Variants in NKAIN2 observed in about 807,000 individuals in gnomAD.
The protein encoded by NKAIN2 is sodium/potassium transporting ATPase interacting 2.
A neutral mutation model predicts 32.6 loss-of-function variants in NKAIN2; 14 were observed. The observed-to-expected ratio is 0.43, with a 90% confidence interval of 0.28 to 0.67. NKAIN2 has a LOEUF of 0.67. Ranked by LOEUF, NKAIN2 falls within the 30% of genes least tolerant of loss-of-function variation. NKAIN2 has a pLI of 0.17. For missense variants in NKAIN2, 198 were observed against 258.3 expected, an observed-to-expected ratio of 0.77 and a Z score of 1.60; for synonymous variants, 80 against 87.2, an observed-to-expected ratio of 0.92 and a Z score of 0.46.
intron 1 of NKAIN2, among the ~76,000 whole-genome samples, chr6:124,203,346 C>T (rs951222796): frequency 2.0e-5 from 3 of 151,742 alleles, no homozygotes; most frequent in African/African-American, 7.3e-5. Context: ...ACTGAGATAG[C>T]TGTATTAAAA....
intron 1 of NKAIN2, among the ~76,000 whole-genome samples, chr6:124,257,114 G>T (rs577992123): frequency 6.0e-5 from 9 of 151,246 alleles, no homozygotes; most frequent in African/African-American, 1.7e-4. Flanking sequence ...TAATCAGACT[G>T]GTCATACAAA....
At chr6:124,745,353 T>C (rs938225450) in intron 4 of NKAIN2, among the ~76,000 whole-genome samples, 1 of 151,918 alleles carries the variant, frequency 6.6e-6, no homozygotes, top group African/African-American at 2.4e-5. Flanking sequence ...ATTTTAATGT[T>C]CAGATTTTAC....
chr6:124,502,819 C>T (rs1288294643), intron 3 of NKAIN2, among the ~76,000 whole-genome samples: 1 of 152,114 alleles, frequency 6.6e-6, no homozygotes, highest in African/African-American at 2.4e-5. Flanking sequence ...TATGTGCTTT[C>T]ACAGCAATCT....
intron 3 of NKAIN2, among the ~76,000 whole-genome samples, chr6:124,467,165 G>C (rs1351232132): frequency 6.6e-6 from 1 of 152,002 alleles, no homozygotes; most frequent in African/African-American, 2.4e-5. Flanking sequence ...CATGATCCCA[G>C]ACCACTATGG....
chr6:124,344,736 A>G (rs981212955), intron 2 of NKAIN2, among the ~76,000 whole-genome samples: 3 of 152,270 alleles, frequency 2.0e-5, no homozygotes, highest in South Asian at 2.1e-4. Context: ...TTTTGGGCTG[A>G]GACAATGGGG....
chr6:124,031,912 G>A (rs1005743503), intron 1 of NKAIN2, among the ~76,000 whole-genome samples: 7 of 151,928 alleles, frequency 4.6e-5, no homozygotes, highest in Non-Finnish European at 1.0e-4. Flanking sequence ...TCCCATTACC[G>A]GGTATATACC....
At chr6:124,454,108 G>T (rs560711568) in intron 3 of NKAIN2, among the ~76,000 whole-genome samples, 685 of 31,806 alleles carry the variant, frequency 0.022, 19 homozygotes, top group African/African-American at 0.035. Flanking sequence ...TTTTTTTTTG[G>T]GGGGGGGGGT....
intron 4 of NKAIN2, among the ~76,000 whole-genome samples, chr6:124,740,781 A>G (rs1777171106): frequency 6.6e-6 from 1 of 151,838 alleles, no homozygotes; most frequent in Non-Finnish European, 1.5e-5. Context: ...ACAAATTTGG[A>G]GAAGAAACCA....
intron 3 of NKAIN2, among the ~76,000 whole-genome samples, chr6:124,388,390 GTTCT>G (rs77695596): frequency 0.067 from 10,169 of 151,940 alleles, 938 homozygotes; most frequent in African/African-American, 0.21. Flanking sequence ...TGTTTCTGGG[GTTCT>G]TTCTCAGAGT....
chr6:124,578,418 T>C (rs572836022), intron 3 of NKAIN2, among the ~76,000 whole-genome samples: 289 of 152,118 alleles, frequency 1.9e-3, no homozygotes, highest in African/African-American at 6.7e-3. Context: ...TGAGTGAACA[T>C]TGGCAGTAGC....
chr6:124,204,185 A>C (rs1790739111), intron 1 of NKAIN2, among the ~76,000 whole-genome samples: 1 of 151,896 alleles, frequency 6.6e-6, no homozygotes, highest in African/African-American at 2.4e-5. Flanking sequence ...CATACTACTA[A>C]TGTTTGTATC....
chr6:124,183,392 CT>C (rs1789547445), intron 1 of NKAIN2, among the ~76,000 whole-genome samples: 1 of 152,014 alleles, frequency 6.6e-6, no homozygotes, highest in South Asian at 2.1e-4. Flanking sequence ...GATGAACAAG[CT>C]TCAAAATCAT....
At chr6:124,348,145 C>A (rs1798528666) in intron 2 of NKAIN2, among the ~76,000 whole-genome samples, 1 of 152,152 alleles carries the variant, frequency 6.6e-6, no homozygotes, top group Admixed American at 6.5e-5. Context: ...GTCTGCAGAA[C>A]CGTGGATTTT....
chr6:124,085,536 G>T (rs1784156556), intron 1 of NKAIN2, among the ~76,000 whole-genome samples: 1 of 151,680 alleles, frequency 6.6e-6, no homozygotes, highest in African/African-American at 2.4e-5. Context: ...TGGTGGTCTT[G>T]GTGAGTGGAA....
chr6:124,617,296 T>A (rs17708475), intron 3 of NKAIN2, among the ~76,000 whole-genome samples: 12,175 of 152,220 alleles, frequency 0.08, 535 homozygotes, highest in South Asian at 0.18. Flanking sequence ...TGGTTCCAAA[T>A]CAGTTTTCTA....
intron 4 of NKAIN2, among the ~76,000 whole-genome samples, chr6:124,698,330 A>G (rs958298906): frequency 6.6e-6 from 1 of 152,172 alleles, no homozygotes. Context: ...TATGTTAGAA[A>G]TCTCCACTAA....
intron 4 of NKAIN2, among the ~76,000 whole-genome samples, chr6:124,778,860 ACCTT>A (rs1444422527): frequency 6.6e-6 from 1 of 152,126 alleles, no homozygotes; most frequent in East Asian, 1.9e-4. Flanking sequence ...ATTAAAAACT[ACCTT>A]CCTTCTTGTA....
At chr6:124,144,830 A>T (rs375819640) in intron 1 of NKAIN2, among the ~76,000 whole-genome samples, 1 of 152,214 alleles carries the variant, frequency 6.6e-6, no homozygotes, top group Non-Finnish European at 1.5e-5. Context: ...TGAAGAAGAT[A>T]AAAAGACAAG....
At chr6:124,627,030 G>A (rs1451320642) in intron 3 of NKAIN2, among the ~76,000 whole-genome samples, 1 of 152,132 alleles carries the variant, frequency 6.6e-6, no homozygotes, top group Non-Finnish European at 1.5e-5. Context: ...GACATTTTGG[G>A]AGGACAAGGT....
Sources: allele counts gnomAD v4.1 joint callset (sites outside exome capture counted in the v4.1 genomes callset), GRCh38; gene constraint gnomAD v4.1.1; transcripts MANE v1.5; gene names NCBI Gene and HGNC (gene_info 2026-07-23, HGNC 2026-07-21).